Variants in SLIT3 observed in about 807,000 individuals in gnomAD.
SLIT3 encodes the protein slit guidance ligand 3, also known as slit homolog 3 protein.
A neutral mutation model predicts 184.0 loss-of-function variants in SLIT3; 68 were observed. That is an observed-to-expected ratio of 0.37 (90% confidence interval 0.30 to 0.45). The LOEUF is 0.45. SLIT3 is among the 20% of genes least tolerant of loss of function. SLIT3 has a pLI of 1.00. For synonymous variants in SLIT3, 831 were observed against 828.6 expected (o/e 1.00, Z -0.05); for missense variants, 1,707 against 2,026.0 (o/e 0.84, Z 3.02).
intron 1 of SLIT3, among the ~76,000 whole-genome samples, chr5:169,262,900 G>T (rs919302708): frequency 5.3e-5 from 8 of 152,146 alleles, no homozygotes; most frequent in African/African-American, 1.9e-4. Flanking sequence ...GGGCTGAATT[G>T]TGTGCCTCAA....
chr5:168,699,012 GC>G (rs1762140213), intron 27 of SLIT3, among the ~76,000 whole-genome samples: 1 of 152,170 alleles, frequency 6.6e-6, no homozygotes, highest in African/African-American at 2.4e-5. Context: ...CCAATCCCTC[GC>G]CTGGGTGGGG....
At chr5:169,157,000 T>C (rs1762332400) in intron 4 of SLIT3, among the ~76,000 whole-genome samples, 1 of 152,044 alleles carries the variant, frequency 6.6e-6, no homozygotes, top group South Asian at 2.1e-4. Context: ...CAATAATCAC[T>C]TGACTCTAAC....
intron 4 of SLIT3, among the ~76,000 whole-genome samples, chr5:169,148,882 T>TA (rs11325086): frequency 9.1e-4 from 136 of 149,050 alleles, no homozygotes; most frequent in Middle Eastern, 3.4e-3. Context: ...CAGTGTTACT[T>TA]AAAAAAAAAA....
At chr5:169,289,589 C>T (rs1767270596) in intron 1 of SLIT3, among the ~76,000 whole-genome samples, 1 of 152,218 alleles carries the variant, frequency 6.6e-6, no homozygotes, top group Non-Finnish European at 1.5e-5. Context: ...GGGCAGAACT[C>T]TGAGTTCTTG....
chr5:169,020,364 C>T (rs1756554138), intron 4 of SLIT3, among the ~76,000 whole-genome samples: 3 of 152,094 alleles, frequency 2.0e-5, no homozygotes. Context: ...CGTGAAACTT[C>T]CCTGAGTTTG....
At chr5:168,894,336 T>G (rs922099856) in intron 4 of SLIT3, among the ~76,000 whole-genome samples, 2 of 152,214 alleles carry the variant, frequency 1.3e-5, no homozygotes. Flanking sequence ...GCATGAGGCC[T>G]GATGCATAGC....
At chr5:169,131,749 A>G (rs7722406) in intron 4 of SLIT3, among the ~76,000 whole-genome samples, 4,572 of 152,264 alleles carry the variant, frequency 0.03, 242 homozygotes, top group African/African-American at 0.11. Context: ...AACCATTCAT[A>G]ACCCGATTCT....
intron 5 of SLIT3, among the ~76,000 whole-genome samples, chr5:168,854,117 C>G (rs1419344758): frequency 6.6e-6 from 1 of 152,162 alleles, no homozygotes; most frequent in Non-Finnish European, 1.5e-5. Context: ...AAGTTCAAAC[C>G]TGCCTTCCCA....
intron 3 of SLIT3, among the ~76,000 whole-genome samples, chr5:169,207,876 C>T (rs554123452): frequency 3.3e-5 from 5 of 152,256 alleles, no homozygotes; most frequent in South Asian, 2.1e-4. Context: ...AGCTAGAAGG[C>T]GCCATCTATG....
chr5:169,246,776 G>A (rs1765605957), intron 2 of SLIT3, among the ~76,000 whole-genome samples: 1 of 151,552 alleles, frequency 6.6e-6, no homozygotes, highest in South Asian at 2.1e-4. Context: ...AAAATGAGCT[G>A]GGTGTGGTGG....
intron 20 of SLIT3, among the ~76,000 whole-genome samples, chr5:168,727,782 G>A (rs1387360144): frequency 6.6e-6 from 1 of 152,188 alleles, no homozygotes; most frequent in Non-Finnish European, 1.5e-5. Context: ...ACACTGGGAG[G>A]GGGTATGTAT....
In SLIT3 at chr5:168,795,373, G is replaced by A. The variant is rs180699985; in HGVS notation, c.1007+134C>T. 3.1e-3 allele frequency: 2,194 copies of A among 711,094 alleles called. 6 individuals carry two copies. Among genetic ancestry groups the A allele is most frequent in the Non-Finnish European group, 4.3e-3 (1,677 of 388,468 alleles). The allele number at this position is 711,094 out of a possible 1,614,324, so 44.0% of individuals were successfully genotyped here. On this transcript the variant is annotated intron_variant, in intron 10 of 35. Coordinates refer to ENST00000519560, the MANE Select transcript of SLIT3 (RefSeq NM_003062.4). ...TCTTACCTCCCAAGCTTAGGACAGCGTTCCAGGTCTGAAACAGAACTGCCC... is the reference window on the plus strand; with the variant it reads ...TCTTACCTCCCAAGCTTAGGACAGCATTCCAGGTCTGAAACAGAACTGCCC...
intron 32 of SLIT3, among the ~76,000 whole-genome samples, chr5:168,676,905 CCTT>C (rs1452194518): frequency 1.3e-5 from 2 of 152,204 alleles, no homozygotes; most frequent in East Asian, 1.9e-4. Flanking sequence ...AGGCCCAACT[CCTT>C]CTTCCCTTCC....
At chr5:168,903,833 C>T (rs1760953414) in intron 4 of SLIT3, among the ~76,000 whole-genome samples, 1 of 152,118 alleles carries the variant, frequency 6.6e-6, no homozygotes, top group South Asian at 2.1e-4. Flanking sequence ...TATTAAATAA[C>T]CAAATGTAGA....
chr5:168,673,986 A>C (rs1232303481), intron 32 of SLIT3, among the ~76,000 whole-genome samples: 1 of 152,182 alleles, frequency 6.6e-6, no homozygotes, highest in East Asian at 1.9e-4. Flanking sequence ...TCCCCCTTAA[A>C]TATCAGCAAG....
intron 4 of SLIT3, among the ~76,000 whole-genome samples, chr5:168,954,132 G>T (rs371240048): frequency 2.6e-5 from 4 of 152,108 alleles, no homozygotes; most frequent in Admixed American, 6.5e-5. Context: ...AGGCAAGAAG[G>T]GGGGCAGAAT....
chr5:169,260,595 A>G (rs1766130339), intron 1 of SLIT3, among the ~76,000 whole-genome samples: 1 of 152,082 alleles, frequency 6.6e-6, no homozygotes, highest in Non-Finnish European at 1.5e-5. Flanking sequence ...CATTGCTTCT[A>G]TGGTCTTGGG....
intron 26 of SLIT3, 135 bp downstream of exon 26, chr5:168,707,841 T>G: frequency 9.5e-7 from 1 of 1,049,114 alleles, no homozygotes; most frequent in African/African-American, 1.6e-5. Flanking sequence ...TTTGGAGTGG[T>G]GACCTGTGCG....
chr5:168,773,051 C>T (rs1444684245), intron 13 of SLIT3, 107 bp from the exon 14 acceptor site: 4 of 1,183,270 alleles, frequency 3.4e-6, no homozygotes, highest in Admixed American at 2.9e-5. Flanking sequence ...AAGGACTGGC[C>T]TCCTGCCTCA....
Sources: gnomAD v4.1 joint callset for allele counts (sites outside exome capture counted in the v4.1 genomes callset) on GRCh38, gnomAD v4.1.1 for gene constraint, MANE v1.5 for transcripts, NCBI Gene and HGNC (gene_info 2026-07-23, HGNC 2026-07-21) for gene names.